DPP10: variants seen among roughly 807,000 people sequenced by gnomAD.
The protein encoded by DPP10 is inactive dipeptidyl peptidase 10.
In DPP10, 33 loss-of-function variants were observed where a neutral mutation model predicts 120.9. The ratio of observed to expected loss-of-function variants is 0.27; its 90% CI spans 0.21 to 0.37. The LOEUF (loss-of-function observed/expected upper bound fraction) is 0.37. DPP10 is among the 10% of genes least tolerant of loss of function. DPP10 has a pLI of 1.00. For synonymous variants in DPP10, 337 were observed against 326.1 expected (o/e 1.03, Z -0.36); for missense variants, 816 against 942.8 (o/e 0.87, Z 1.76).
In DPP10 at chr2:115,564,232, C is replaced by CT. The variant is rs11333808; in HGVS notation, c.441+38276dup. Among the ~76,000 whole-genome samples, 1,080 of 112,832 alleles carry CT rather than the reference C, an allele frequency of 9.6e-3. 28 individuals carry two copies. The East Asian group carries it at 0.14, about 14-fold the overall frequency. 74.0% of individuals were successfully genotyped at this position (112,832 alleles called of 152,430 possible). ...TTTTTTCACTGAAATTTGATCATGT[C>CT]TTTTTTTTTTTTTTTTGGTCTTAGT... On this transcript the variant is annotated intron_variant, in intron 5 of 25. Transcript: ENST00000410059.
At chr2:115,757,500 G>C (rs1679569134) in intron 11 of DPP10, among the ~76,000 whole-genome samples, 1 of 152,018 alleles carries the variant, frequency 6.6e-6, no homozygotes, top group East Asian at 1.9e-4. Context: ...AATCTCATGA[G>C]ACTCATTCAC....
intron 1 of DPP10, among the ~76,000 whole-genome samples, chr2:114,641,398 T>C (rs1007318053): frequency 3.3e-5 from 5 of 151,908 alleles, no homozygotes; most frequent in African/African-American, 1.2e-4. Context: ...TTCTTGTGAT[T>C]GCTCAGTAGA....
intron 1 of DPP10, among the ~76,000 whole-genome samples, chr2:114,583,046 T>A (rs957726798): frequency 3.9e-5 from 6 of 152,196 alleles, no homozygotes; most frequent in Non-Finnish European, 1.5e-5. Context: ...GGAAGCACTT[T>A]GAGAACACTT....
intron 1 of DPP10, among the ~76,000 whole-genome samples, chr2:114,712,458 C>T (rs1009904542): frequency 1.3e-5 from 2 of 152,132 alleles, no homozygotes; most frequent in African/African-American, 2.4e-5. Context: ...GATTCTATTC[C>T]TAAATCACAC....
intron 3 of DPP10, among the ~76,000 whole-genome samples, chr2:115,483,397 C>G (rs2075557941): frequency 6.6e-6 from 1 of 152,022 alleles, no homozygotes. Context: ...GAAACATACT[C>G]CTTCTTCGTT....
At chr2:115,454,427 G>A (rs558312875) in intron 3 of DPP10, among the ~76,000 whole-genome samples, 3 of 151,694 alleles carry the variant, frequency 2.0e-5, no homozygotes, top group African/African-American at 7.2e-5. Flanking sequence ...AGGTTGGTTT[G>A]TCATCTAAAA....
chr2:114,578,709 T>G (rs1320286513), intron 1 of DPP10, among the ~76,000 whole-genome samples: 1 of 152,196 alleles, frequency 6.6e-6, no homozygotes, highest in Non-Finnish European at 1.5e-5. Flanking sequence ...GATGCTTTAG[T>G]CAGATTTGGC....
chr2:114,478,649 A>G (rs571525184), intron 1 of DPP10, among the ~76,000 whole-genome samples: 1 of 152,244 alleles, frequency 6.6e-6, no homozygotes, highest in South Asian at 2.1e-4. Flanking sequence ...AATTATCTCC[A>G]TTTACAAATT....
At chr2:115,443,729 C>G (rs1018478761) in intron 3 of DPP10, among the ~76,000 whole-genome samples, 20 of 152,060 alleles carry the variant, frequency 1.3e-4, no homozygotes, top group Non-Finnish European at 1.5e-4. Context: ...GTCAGAAATA[C>G]TGGGGATGGA....
intron 19 of DPP10, among the ~76,000 whole-genome samples, chr2:115,795,882 T>C (rs993337240): frequency 6.6e-6 from 1 of 152,046 alleles, no homozygotes; most frequent in Non-Finnish European, 1.5e-5. Context: ...TATTCTCTAC[T>C]TACACTTCCT....
chr2:115,006,968 G>A lies in DPP10; in HGVS notation c.61-302271G>A, dbSNP rs188369508. On this transcript the variant is annotated intron_variant, in intron 1 of 25. Transcript: ENST00000410059. ...TCCAAAACTGACCACATACTTGGAAGTAAAGCTCTCCTCAGCAAATGTAAA... is the reference window on the plus strand; with the variant it reads ...TCCAAAACTGACCACATACTTGGAAATAAAGCTCTCCTCAGCAAATGTAAA... Among the ~76,000 whole-genome samples, 264 of 152,144 alleles carry A rather than the reference G, an allele frequency of 1.7e-3. 1 individual carries two copies. Among genetic ancestry groups the A allele is most frequent in the African/African-American group, 6.2e-3 (258 of 41,506 alleles).
At chr2:114,959,794 T>C (rs1347125926) in intron 1 of DPP10, among the ~76,000 whole-genome samples, 2 of 152,252 alleles carry the variant, frequency 1.3e-5, no homozygotes. Flanking sequence ...TATTATGGTT[T>C]TGGTTCGCAG....
At chr2:115,718,372 T>C (rs1480867290) in intron 7 of DPP10, among the ~76,000 whole-genome samples, 1 of 152,158 alleles carries the variant, frequency 6.6e-6, no homozygotes, top group Non-Finnish European at 1.5e-5. Flanking sequence ...CAATTGACAC[T>C]GTCAGGATGA....
At chr2:115,114,995 A>T (rs372184281) in intron 1 of DPP10, among the ~76,000 whole-genome samples, 3 of 151,984 alleles carry the variant, frequency 2.0e-5, no homozygotes, top group African/African-American at 7.2e-5. Flanking sequence ...ACCTGTTCAC[A>T]AAGTGAACAG....
chr2:114,927,140 C>T (rs1322952397), intron 1 of DPP10, among the ~76,000 whole-genome samples: 3 of 152,026 alleles, frequency 2.0e-5, no homozygotes, highest in Non-Finnish European at 2.9e-5. Flanking sequence ...TGAGCCACCG[C>T]ACCTGGCCAG....
chr2:114,607,409 G>A (rs1692905605), intron 1 of DPP10, among the ~76,000 whole-genome samples: 1 of 152,160 alleles, frequency 6.6e-6, no homozygotes. Flanking sequence ...GGTGTAATGG[G>A]CTAGATTTAA....
chr2:115,401,323 T>C (rs554907187), intron 3 of DPP10, among the ~76,000 whole-genome samples: 1 of 152,312 alleles, frequency 6.6e-6, no homozygotes, highest in South Asian at 2.1e-4. Flanking sequence ...CTCATTCCTA[T>C]AATCCCTGAG....
chr2:115,804,260 G>A (rs988775784), intron 19 of DPP10, among the ~76,000 whole-genome samples: 6 of 152,218 alleles, frequency 3.9e-5, no homozygotes, highest in East Asian at 3.9e-4. Flanking sequence ...CGTAGTTCTC[G>A]TGCCTTGGTT....
intron 5 of DPP10, among the ~76,000 whole-genome samples, chr2:115,660,819 A>G (rs2088898680): frequency 6.6e-6 from 1 of 151,860 alleles, no homozygotes; most frequent in Non-Finnish European, 1.5e-5. Flanking sequence ...TTTTTGTGCC[A>G]CATTTAGAGA....
Sources: allele counts gnomAD v4.1 joint callset (sites outside exome capture counted in the v4.1 genomes callset), GRCh38; gene constraint gnomAD v4.1.1; transcripts MANE v1.5; gene names NCBI Gene and HGNC (gene_info 2026-07-23, HGNC 2026-07-21).